The following ITPR2 variants were observed in gnomAD, a reference collection of about 807,000 sequenced individuals.
The protein encoded by ITPR2 is inositol 1,4,5-trisphosphate receptor type 2.
A neutral mutation model predicts 317.1 loss-of-function variants in ITPR2; 207 were observed. The ratio of observed to expected loss-of-function variants is 0.65; its 90% CI spans 0.58 to 0.73. The LOEUF (loss-of-function observed/expected upper bound fraction) is 0.73, where lower values mean the gene tolerates loss of function less well. Ranked by LOEUF, ITPR2 falls within the 30% of genes least tolerant of loss-of-function variation. The pLI is 0.00. For synonymous variants in ITPR2, 1,156 were observed against 1,149.1 expected, an observed-to-expected ratio of 1.01 and a Z score of -0.12; for missense variants, 2,613 against 3,284.0, an observed-to-expected ratio of 0.80 and a Z score of 4.99.
intron 55 of ITPR2, among the ~76,000 whole-genome samples, chr12:26,348,365 C>T (rs1168864671): frequency 6.6e-6 from 1 of 152,162 alleles, no homozygotes; most frequent in East Asian, 1.9e-4. Flanking sequence ...TCATGTACCC[C>T]AGCACCTCTG....
intron 37 of ITPR2, among the ~76,000 whole-genome samples, chr12:26,497,861 C>T (rs1002137404): frequency 5.3e-4 from 81 of 152,256 alleles, no homozygotes; most frequent in African/African-American, 1.9e-3. Context: ...CAGGCACACA[C>T]CACCACGCCT....
Position 26,550,252 on chromosome 12 carries a change from C to A in ITPR2, c.5068G>T (p.Glu1690Ter). ...AAAGTTTTTTAAAAAAATACCTCTT[C>A]CACAAAGCTGTCTTTCTTCTCTAAC... ...EMLEKKDSFV[E>*]EGNTLRKILL... The change falls in exon 37 of 57, where the codon GAA becomes TAA. Residue 1690 changes from glutamate (E) to a stop codon, truncating the protein, a stop_gained. Transcript: ENST00000381340. LOFTEE classifies it high-confidence loss of function. The A allele has an allele frequency of 7.1e-7, 1 of 1,401,290 alleles. No homozygotes were observed. The highest frequency in any genetic ancestry group is 1.2e-5 in the South Asian group (1 of 80,590). 86.8% of individuals were successfully genotyped at this position (1,401,290 alleles called of 1,614,324 possible).
Position 26,561,927 on chromosome 12 carries a change from T to C in ITPR2, c.4656A>G (p.Pro1552=), listed in dbSNP as rs1944831841. 1.3e-6 allele frequency: 2 copies of C among 1,525,370 alleles called. No individual in the cohort carries two copies. Among genetic ancestry groups the C allele is most frequent in the Admixed American group, 2.5e-5 (1 of 39,620 alleles). 94.5% of individuals were successfully genotyped at this position (1,525,370 alleles called of 1,614,324 possible). A position where few individuals can be genotyped will look rare whatever the true frequency, so the allele number is the denominator to read the frequency against. The change falls in exon 35 of 57, where the codon CCA becomes CCG. Residue 1552 remains proline (P), a synonymous_variant. Coordinates refer to ENST00000381340, the MANE Select transcript of ITPR2 (RefSeq NM_002223.4). ...TATTAACTTGGCTGTCCAAATCCAC[T>C]GGAATGGCAATTCCACGATTTTTTG... The part of the protein sequence containing the change: ...EVAKNRGIAI[P]VDLDSQVNTL...
chr12:26,752,736 C>G (rs954023097), intron 2 of ITPR2, among the ~76,000 whole-genome samples: 2 of 152,136 alleles, frequency 1.3e-5, no homozygotes, highest in African/African-American at 4.8e-5. Context: ...CTTTCATGCA[C>G]AAGATCCAAG....
At chr12:26,361,973 A>G (rs181352494) in intron 55 of ITPR2, among the ~76,000 whole-genome samples, 96 of 152,356 alleles carry the variant, frequency 6.3e-4, no homozygotes, top group Non-Finnish European at 1.1e-3. Flanking sequence ...CTTTGAATAC[A>G]TAAGTCTTCT....
In ITPR2 at chr12:26,590,770, T is replaced by G. The variant is rs530252719; in HGVS notation, c.4380+4695A>C. 8.6e-5 allele frequency among the ~76,000 whole-genome samples: 13 copies of G among 151,674 alleles called. No homozygotes were observed. The South Asian group carries it at 2.7e-3, about 32-fold the overall frequency. On this transcript the variant is annotated intron_variant, in intron 32 of 56. Transcript: ENST00000381340. Reference sequence around the variant, plus strand: ...GGCAACCAAAGCAAAAACGGAAAAATGGGATGACGTTAAGTTAAAAGGCTT... The same window carrying G: ...GGCAACCAAAGCAAAAACGGAAAAAGGGGATGACGTTAAGTTAAAAGGCTT...
At chr12:26,724,451 A>G (rs890850169) in intron 4 of ITPR2, among the ~76,000 whole-genome samples, 12 of 152,198 alleles carry the variant, frequency 7.9e-5, no homozygotes, top group Admixed American at 2.6e-4. Flanking sequence ...TCACTTCTTT[A>G]TGTGTAAAAT....
chr12:26,484,011 G>A lies in ITPR2; in HGVS notation c.5812-113C>T, dbSNP rs142830913. 106 of 908,238 alleles carry A rather than the reference G, an allele frequency of 1.2e-4. 1 individual carries two copies. Among genetic ancestry groups the A allele is most frequent in the Middle Eastern group, 1.0e-3 (3 of 2,946 alleles). The allele number at this position is 908,238 out of a possible 1,614,324, so 56.3% of individuals were successfully genotyped here. ...ACTTTTCTTTGTAAGAAAAGTATTCGCATTTATTAAAACTGTCCTCCACTT... is the reference window on the plus strand; with the variant it reads ...ACTTTTCTTTGTAAGAAAAGTATTCACATTTATTAAAACTGTCCTCCACTT... On this transcript the variant is annotated intron_variant, in intron 41 of 56. Coordinates refer to ENST00000381340, the MANE Select transcript of ITPR2 (RefSeq NM_002223.4).
rs576124314 is a variant in ITPR2, at chr12:26,736,510, G to A, written c.164-10745C>T. Among the ~76,000 whole-genome samples, 3 of 152,270 alleles carry A rather than the reference G, an allele frequency of 2.0e-5. No individual in the cohort carries two copies. In the South Asian group the frequency reaches 6.2e-4, roughly 32 times the overall value. ...GGAGCACCAAGGCTATTAGCAATTA[G>A]TATTTTAAAAACTGAAAATTGCCTA... is the stretch of plus-strand genomic sequence containing the variant. On this transcript the variant is annotated intron_variant, in intron 2 of 56. Transcript: ENST00000381340.
chr12:26,702,163 G>A (rs1749786304), intron 9 of ITPR2, among the ~76,000 whole-genome samples: 1 of 152,074 alleles, frequency 6.6e-6, no homozygotes, highest in Admixed American at 6.5e-5. Context: ...ATGACAAAGT[G>A]TCGATGAGTG....
intron 15 of ITPR2, among the ~76,000 whole-genome samples, chr12:26,660,719 T>C (rs1293306272): frequency 6.6e-6 from 1 of 152,216 alleles, no homozygotes; most frequent in Non-Finnish European, 1.5e-5. Flanking sequence ...CATATTGATT[T>C]ATACACTTTC....
At chr12:26,803,786 G>C (rs1352840450) in intron 1 of ITPR2, among the ~76,000 whole-genome samples, 1 of 152,004 alleles carries the variant, frequency 6.6e-6, no homozygotes, top group Non-Finnish European at 1.5e-5. Flanking sequence ...ACCACTTCCT[G>C]ACTGATCAGA....
intron 13 of ITPR2, among the ~76,000 whole-genome samples, chr12:26,669,501 A>G (rs565705562): frequency 1.3e-5 from 2 of 152,396 alleles, no homozygotes; most frequent in East Asian, 3.9e-4. Context: ...TAAACACATC[A>G]TGGTGAAACT....
chr12:26,396,684 T>C (rs557393941), intron 54 of ITPR2, among the ~76,000 whole-genome samples: 71 of 152,346 alleles, frequency 4.7e-4, no homozygotes, highest in South Asian at 1.0e-3. Flanking sequence ...AGTTATAGTC[T>C]CCAGCGAAGA....
intron 40 of ITPR2, 68 bp downstream of exon 40, chr12:26,487,000 T>A (rs1942685219): frequency 1.5e-6 from 2 of 1,366,864 alleles, no homozygotes; most frequent in African/African-American, 2.9e-5. Context: ...AAAATGTTAA[T>A]GAGATTTAAA....
chr12:26,613,190 C>G (rs775487467), intron 26 of ITPR2, among the ~76,000 whole-genome samples: 1 of 152,146 alleles, frequency 6.6e-6, no homozygotes, highest in Non-Finnish European at 1.5e-5. Flanking sequence ...ACACTTTACA[C>G]AGCATTTGAA....
intron 15 of ITPR2, among the ~76,000 whole-genome samples, chr12:26,662,863 G>T (rs1947533552): frequency 6.6e-6 from 1 of 152,016 alleles, no homozygotes; most frequent in East Asian, 1.9e-4. Context: ...AGAGATGGGG[G>T]CCTCGCTATA....
chr12:26,498,053 TAGACACTCAG>T (rs1318794735), intron 37 of ITPR2, among the ~76,000 whole-genome samples: 14 of 152,232 alleles, frequency 9.2e-5, no homozygotes, highest in African/African-American at 3.4e-4. Flanking sequence ...AGAATTCTAA[TAGACACTCAG>T]AGTGTCTGGA....
chr12:26,768,472 T>C (rs1203323838), intron 2 of ITPR2, among the ~76,000 whole-genome samples: 1 of 127,478 alleles, frequency 7.8e-6, no homozygotes, highest in African/African-American at 2.9e-5. Flanking sequence ...AATAAAAATT[T>C]TGTGCAACTC....
Sources: allele counts gnomAD v4.1 joint callset (sites outside exome capture counted in the v4.1 genomes callset), GRCh38; gene constraint gnomAD v4.1.1; transcripts MANE v1.5; gene names NCBI Gene and HGNC (gene_info 2026-07-23, HGNC 2026-07-21).